Variants in DNAJC13 observed in about 807,000 individuals in gnomAD.
DNAJC13 encodes the protein DnaJ heat shock protein family (Hsp40) member C13.
A neutral mutation model predicts 290.5 loss-of-function variants in DNAJC13; 75 were observed. The ratio of observed to expected loss-of-function variants is 0.26; its 90% CI spans 0.21 to 0.31. The LOEUF (loss-of-function observed/expected upper bound fraction) is 0.31, where lower values mean the gene tolerates loss of function less well. DNAJC13 is among the 10% of genes least tolerant of loss of function. The pLI, the probability that DNAJC13 is intolerant of heterozygous loss-of-function variation, is 1.00. For missense variants in DNAJC13, 2,260 were observed against 2,674.5 expected (o/e 0.85, Z 3.42); for synonymous variants, 862 against 892.0 (o/e 0.97, Z 0.60).
chr3:132,444,096 G>A (rs750362446), intron 2 of DNAJC13, among the ~76,000 whole-genome samples: 1 of 152,140 alleles, frequency 6.6e-6, no homozygotes, highest in Non-Finnish European at 1.5e-5. Flanking sequence ...GTGGGCAAGC[G>A]AGCCAGCATT....
intron 55 of DNAJC13, among the ~76,000 whole-genome samples, chr3:132,536,949 TCA>T (rs1433851241): frequency 6.6e-6 from 1 of 152,174 alleles, no homozygotes; most frequent in Non-Finnish European, 1.5e-5. Flanking sequence ...CAGTTACAGC[TCA>T]CACAGGCTGA....
At position 132,507,331 on chromosome 3, in the gene DNAJC13, A is replaced by G; in HGVS notation, c.5093A>G (p.Glu1698Gly). ...VGEIFVRVYN[E>G]VPTFQLEVPK... ...GAGATTTTTGTTAGGGTGTATAATGAAGTTCCTACTTTCCAACTGGAGGTA... is the reference window on the plus strand; with the variant it reads ...GAGATTTTTGTTAGGGTGTATAATGGAGTTCCTACTTTCCAACTGGAGGTA... The change falls in exon 43 of 56, where the codon GAA (glutamate) becomes GGA (glycine). Residue 1698 changes from glutamate (E) to glycine (G), a missense_variant. By Grantham distance (98) the Glu-to-Gly change is moderately conservative (BLOSUM62 -2). Transcript: ENST00000260818. 1.2e-6 allele frequency: 2 copies of G among 1,605,616 alleles called. No homozygotes were observed. The highest frequency in any genetic ancestry group is 1.7e-6 in the Non-Finnish European group (2 of 1,172,570).
chr3:132,534,437 C>A (rs183886905), intron 55 of DNAJC13, among the ~76,000 whole-genome samples: 1 of 152,076 alleles, frequency 6.6e-6, no homozygotes, highest in Non-Finnish European at 1.5e-5. Flanking sequence ...GGGCGGACTG[C>A]TTGAGTCCAG....
At chr3:132,424,642 C>CT (rs1212874743) in intron 1 of DNAJC13, among the ~76,000 whole-genome samples, 7 of 152,186 alleles carry the variant, frequency 4.6e-5, no homozygotes, top group African/African-American at 1.2e-4. Flanking sequence ...AATCACTTCA[C>CT]TTTAAAATAT....
intron 15 of DNAJC13, among the ~76,000 whole-genome samples, chr3:132,461,406 G>A (rs1261450490): frequency 1.3e-5 from 2 of 151,090 alleles, no homozygotes; most frequent in Non-Finnish European, 3.0e-5. Flanking sequence ...TGACCTAAAA[G>A]AAAAAAAAAT....
At chr3:132,426,689 T>C (rs1939100174) in intron 1 of DNAJC13, among the ~76,000 whole-genome samples, 2 of 152,192 alleles carry the variant, frequency 1.3e-5, no homozygotes, top group Admixed American at 1.3e-4. Flanking sequence ...CAATGGTTGC[T>C]TAAGAGTTTT....
At chr3:132,466,422 T>G (rs200130237) in intron 19 of DNAJC13, 28 bp downstream of exon 19, 3 of 1,539,028 alleles carry the variant, frequency 1.9e-6, no homozygotes, top group Non-Finnish European at 2.6e-6. Context: ...AAGTGTGCCT[T>G]TTTTAGGAGT....
At chr3:132,428,112 G>C (rs930915922) in intron 1 of DNAJC13, among the ~76,000 whole-genome samples, 2 of 152,132 alleles carry the variant, frequency 1.3e-5, no homozygotes, top group East Asian at 1.9e-4. Flanking sequence ...CCTGACTACT[G>C]TACTTGGAGG....
rs367802425 is a variant in DNAJC13, at chr3:132,499,756, G to A, written c.4364G>A (p.Arg1455His). Residue 1455 changes from arginine to histidine, a missense_variant, in exon 38 of 56, where the codon CGC (arginine) becomes CAC (histidine). Coordinates refer to ENST00000260818, the MANE Select transcript of DNAJC13 (RefSeq NM_015268.4). Reference sequence around the variant, plus strand: ...CAGGTGTTACAAGAGGCATTTAGTCGCTGTGTGGCTGTCTTGACTCGTGCT... The same window carrying A: ...CAGGTGTTACAAGAGGCATTTAGTCACTGTGTGGCTGTCTTGACTCGTGCT... ...GLEVLQEAFS[R>H]CVAVLTRASK... 1.9e-6 allele frequency: 3 copies of A among 1,614,086 alleles called. No homozygotes were observed. The highest frequency in any genetic ancestry group is 1.1e-5 in the South Asian group (1 of 91,070).
chr3:132,469,717 T>A (rs1414193181), intron 20 of DNAJC13, among the ~76,000 whole-genome samples: 1 of 152,106 alleles, frequency 6.6e-6, no homozygotes, highest in Admixed American at 6.5e-5. Context: ...GTGCACAGAA[T>A]TAAAATTTGT....
chr3:132,439,150 A>T (rs1050850248), intron 2 of DNAJC13, among the ~76,000 whole-genome samples: 1 of 152,214 alleles, frequency 6.6e-6, no homozygotes. Context: ...AATTTAGAGT[A>T]TCATTTTGGT....
At chr3:132,433,690 T>G (rs1043340332) in intron 1 of DNAJC13, among the ~76,000 whole-genome samples, 4 of 152,236 alleles carry the variant, frequency 2.6e-5, no homozygotes, top group African/African-American at 9.7e-5. Flanking sequence ...GGTTTGACTC[T>G]TGGAAAATGT....
chr3:132,510,501 G>A (rs1411065158), intron 43 of DNAJC13, among the ~76,000 whole-genome samples: 2 of 152,102 alleles, frequency 1.3e-5, no homozygotes, highest in Non-Finnish European at 2.9e-5. Flanking sequence ...GGGATTACAG[G>A]TTCAAGCCAC....
At chr3:132,495,057 A>C (rs759741177) in intron 34 of DNAJC13, 31 bp from the exon 35 acceptor site, 10 of 1,520,020 alleles carry the variant, frequency 6.6e-6, no homozygotes, top group Non-Finnish European at 8.2e-6. Context: ...GTGCCTTACT[A>C]TACTCATAAA....
chr3:132,484,535 C>G lies in DNAJC13; in HGVS notation c.3183-53C>G, dbSNP rs889795689. ...CTAGTAGAATGTCGTATGCTCTGAA[C>G]ATACAAATTTTAACAAATATATTAA... On this transcript the variant is annotated intron_variant, in intron 28 of 55. Transcript: ENST00000260818. The G allele has an allele frequency of 3.9e-6, 6 of 1,542,516 alleles. No homozygotes were observed. The African/African-American group carries it at 8.2e-5, about 21-fold the overall frequency.
intron 31 of DNAJC13, among the ~76,000 whole-genome samples, chr3:132,489,956 A>G (rs1227534150): frequency 2.0e-5 from 3 of 152,192 alleles, no homozygotes; most frequent in Non-Finnish European, 2.9e-5. Context: ...TTCCAAATTT[A>G]TTAGAAATGA....
chr3:132,428,573 G>A (rs1236087374), intron 1 of DNAJC13, among the ~76,000 whole-genome samples: 2 of 152,016 alleles, frequency 1.3e-5, no homozygotes, highest in African/African-American at 4.8e-5. Flanking sequence ...GCCTCCCAAA[G>A]TGCTAGGATT....
chr3:132,434,075 T>C (rs925955325), intron 1 of DNAJC13, among the ~76,000 whole-genome samples: 1 of 152,064 alleles, frequency 6.6e-6, no homozygotes, highest in African/African-American at 2.4e-5. Context: ...CTGGGCGTGG[T>C]GGCAGGCGTC....
intron 49 of DNAJC13, 76 bp downstream of exon 49, chr3:132,523,073 C>G: frequency 6.2e-7 from 1 of 1,602,408 alleles, no homozygotes; most frequent in Non-Finnish European, 8.5e-7. Context: ...CTTACTGTGC[C>G]CATCACCTCT....
Sources: gnomAD v4.1 joint callset for allele counts (sites outside exome capture counted in the v4.1 genomes callset) on GRCh38, gnomAD v4.1.1 for gene constraint, MANE v1.5 for transcripts, NCBI Gene and HGNC (gene_info 2026-07-23, HGNC 2026-07-21) for gene names.